HNF1B: variants seen among roughly 807,000 people sequenced by gnomAD.
The protein encoded by HNF1B is hepatocyte nuclear factor 1-beta.
HNF1B carries 8 observed loss-of-function variants against 61.7 expected under a neutral mutation model. The ratio of observed to expected loss-of-function variants is 0.13; its 90% CI spans 0.08 to 0.23. The LOEUF is 0.23. Among genes scored for constraint, HNF1B ranks in the 10% least tolerant of loss-of-function variants. HNF1B has a pLI of 1.00. For synonymous variants in HNF1B, 314 were observed against 287.7 expected, an observed-to-expected ratio of 1.09 and a Z score of -0.93; for missense variants, 562 against 714.5, an observed-to-expected ratio of 0.79 and a Z score of 2.43.
chr17:37,696,418 C>T (rs1427702286), intron 8 of HNF1B, among the ~76,000 whole-genome samples: 2 of 152,074 alleles, frequency 1.3e-5, no homozygotes, highest in Non-Finnish European at 2.9e-5. Context: ...GCCTGGGTGA[C>T]AGAACGGGAC....
At chr17:37,694,226 G>C (rs957823403) in intron 8 of HNF1B, among the ~76,000 whole-genome samples, 1 of 152,066 alleles carries the variant, frequency 6.6e-6, no homozygotes, top group African/African-American at 2.4e-5. Context: ...TCAGGAGTTC[G>C]AGACCAGCCT....
At chr17:37,731,006 A>AGAT in intron 4 of HNF1B, 1 of 174,306 alleles carries the variant, frequency 5.7e-6, no homozygotes, top group Admixed American at 5.4e-5. Context: ...TGGAGCAGGT[A>AGAT]CTCGGTCAGT....
chr17:37,709,950 C>T (rs910307956), intron 5 of HNF1B, among the ~76,000 whole-genome samples: 5 of 152,200 alleles, frequency 3.3e-5, no homozygotes, highest in East Asian at 1.9e-4. Context: ...TCGCCCCACC[C>T]CATCTACCAT....
intron 1 of HNF1B, among the ~76,000 whole-genome samples, chr17:37,742,332 C>A (rs2034018126): frequency 6.6e-6 from 1 of 152,218 alleles, no homozygotes; most frequent in Non-Finnish European, 1.5e-5. Context: ...GACCGGGAAG[C>A]GCGCAGTCCC....
chr17:37,729,046 CG>C (rs2033602261), intron 4 of HNF1B: 1 of 152,232 alleles, frequency 6.6e-6, no homozygotes, highest in Admixed American at 6.5e-5. Flanking sequence ...TATGGGTTAT[CG>C]GGAAAGGTGT....
intron 4 of HNF1B, among the ~76,000 whole-genome samples, chr17:37,713,562 C>T (rs1314034027): frequency 2.6e-5 from 4 of 152,182 alleles, no homozygotes; most frequent in African/African-American, 9.6e-5. Context: ...GACAGATGAG[C>T]CTAGACCTTT....
intron 8 of HNF1B, among the ~76,000 whole-genome samples, chr17:37,688,553 T>C (rs144767215): frequency 0.015 from 2,283 of 152,230 alleles, 21 homozygotes; most frequent in Non-Finnish European, 0.024. Context: ...AGTCAGTGAA[T>C]TGTCCATGGT....
At chr17:37,742,102 C>T (rs1342083768) in intron 1 of HNF1B, among the ~76,000 whole-genome samples, 1 of 152,242 alleles carries the variant, frequency 6.6e-6, no homozygotes, top group Admixed American at 6.5e-5. Context: ...GCGCAGGTGT[C>T]AAACGCCGGC....
chr17:37,734,287 C>T (rs900264986), intron 2 of HNF1B, among the ~76,000 whole-genome samples: 1 of 152,216 alleles, frequency 6.6e-6, no homozygotes, highest in Non-Finnish European at 1.5e-5. Context: ...CTTCCTATAT[C>T]CTAGGTATCT....
chr17:37,704,980 T>A lies in HNF1B; in HGVS notation c.1276A>T (p.Asn426Tyr), dbSNP rs2032693324. 6.2e-7 allele frequency: 1 copy of A among 1,613,964 alleles called. No individual in the cohort carries two copies. Among genetic ancestry groups the A allele is most frequent in the African/African-American group, 1.3e-5 (1 of 74,952 alleles). Residue 426 changes from asparagine (N) to tyrosine (Y), a missense_variant, in exon 6 of 9, where the codon AAT (asparagine) becomes TAT (tyrosine). This residue lies in a region of HNF1B where 211 missense variants were observed against 200.7 expected (regional missense o/e 1.05). Transcript: ENST00000617811. ...ATGAGGTTTTGAGATTGCTGGGGAT[T>A]ATGGTGGGAGAGGCTGTGGATATTC... ...LTNIHSLSHH[N>Y]PQQSQNLIMT...
chr17:37,689,383 G>A (rs1223134578), intron 8 of HNF1B, among the ~76,000 whole-genome samples: 1 of 152,120 alleles, frequency 6.6e-6, no homozygotes, highest in Non-Finnish European at 1.5e-5. Flanking sequence ...GACCTTGCAG[G>A]TTTCAAAAGA....
intron 8 of HNF1B, among the ~76,000 whole-genome samples, chr17:37,695,309 T>C (rs1598801044): frequency 6.6e-6 from 1 of 152,234 alleles, no homozygotes; most frequent in Admixed American, 6.5e-5. Flanking sequence ...AGCCTGCAGA[T>C]GCACAGAATG....
chr17:37,697,153 G>A (rs2032411768), intron 8 of HNF1B, among the ~76,000 whole-genome samples: 8 of 152,152 alleles, frequency 5.3e-5, no homozygotes, highest in Admixed American at 5.2e-4. Context: ...TCATCTCTGG[G>A]TTTTAGTTTA....
intron 2 of HNF1B, among the ~76,000 whole-genome samples, chr17:37,735,421 C>T (rs2033804820): frequency 6.6e-6 from 1 of 152,232 alleles, no homozygotes; most frequent in Non-Finnish European, 1.5e-5. Context: ...ATCCCAACTG[C>T]AGGTGGTGTT....
intron 2 of HNF1B, 143 bp from the exon 3 acceptor site, chr17:37,733,964 G>A: frequency 1.0e-6 from 1 of 997,702 alleles, no homozygotes; most frequent in Non-Finnish European, 1.5e-6. Flanking sequence ...TGCATGTGGA[G>A]CTGGAGATGG....
intron 4 of HNF1B, among the ~76,000 whole-genome samples, chr17:37,728,345 C>T (rs1243021294): frequency 6.7e-6 from 1 of 148,966 alleles, no homozygotes; most frequent in Non-Finnish European, 1.5e-5. Context: ...CTCGCTCTGT[C>T]ACCCAGGCTA....
intron 3 of HNF1B, 42 bp from the exon 4 acceptor site, chr17:37,731,872 G>A: frequency 1.5e-6 from 2 of 1,329,908 alleles, no homozygotes; most frequent in Non-Finnish European, 2.1e-6. Context: ...AGGGGGGGCG[G>A]GGGGACTTGT....
chr17:37,712,730 T>A (rs2032977282), intron 4 of HNF1B, among the ~76,000 whole-genome samples: 1 of 152,358 alleles, frequency 6.6e-6, no homozygotes, highest in South Asian at 2.1e-4. Context: ...TTTCCCTCTC[T>A]GTGCCTTTGT....
intron 4 of HNF1B, among the ~76,000 whole-genome samples, chr17:37,718,378 T>C (rs940101072): frequency 1.3e-5 from 2 of 152,200 alleles, no homozygotes; most frequent in Non-Finnish European, 2.9e-5. Context: ...AGCCTGAAGA[T>C]TGCTGCTGTA....
Sources: gnomAD v4.1 joint callset for allele counts (sites outside exome capture counted in the v4.1 genomes callset) on GRCh38, gnomAD v4.1.1 for gene constraint, gnomAD v4.1.1 regional missense constraint, MANE v1.5 for transcripts, NCBI Gene and HGNC (gene_info 2026-07-23, HGNC 2026-07-21) for gene names.